The following NLGN1 variants were observed in gnomAD, a reference collection of about 807,000 sequenced individuals.
NLGN1 encodes the protein neuroligin-1.
A neutral mutation model predicts 65.5 loss-of-function variants in NLGN1; 12 were observed. The observed-to-expected ratio is 0.18, with a 90% confidence interval of 0.12 to 0.30. The LOEUF is 0.30. NLGN1 is among the 10% of genes least tolerant of loss of function. The pLI is 1.00. For missense variants in NLGN1, 750 were observed against 1,007.1 expected (o/e 0.74, Z 3.46); for synonymous variants, 350 against 359.5 (o/e 0.97, Z 0.30).
intron 4 of NLGN1, among the ~76,000 whole-genome samples, chr3:173,854,313 G>A (rs900095811): frequency 3.3e-5 from 5 of 151,778 alleles, no homozygotes; most frequent in South Asian, 4.2e-4. Flanking sequence ...CCATTTCAGT[G>A]TATTAAAAGG....
chr3:173,607,322 T>C (rs996895628), intron 3 of NLGN1, among the ~76,000 whole-genome samples: 1 of 151,902 alleles, frequency 6.6e-6, no homozygotes, highest in Non-Finnish European at 1.5e-5. Context: ...CACTTGAGCT[T>C]GTATGGTTTA....
At chr3:173,894,857 G>A (rs554630478) in intron 4 of NLGN1, among the ~76,000 whole-genome samples, 7 of 150,686 alleles carry the variant, frequency 4.6e-5, no homozygotes, top group East Asian at 1.9e-4. Flanking sequence ...GGCTGGTGTC[G>A]AACTCCTGAC....
intron 4 of NLGN1, among the ~76,000 whole-genome samples, chr3:173,880,968 C>G (rs1472544457): frequency 6.6e-6 from 1 of 151,954 alleles, no homozygotes; most frequent in Non-Finnish European, 1.5e-5. Flanking sequence ...GCATCTATAC[C>G]GGGAGTGGAT....
intron 2 of NLGN1, among the ~76,000 whole-genome samples, chr3:173,495,568 A>T (rs909413045): frequency 1.3e-5 from 2 of 150,764 alleles, no homozygotes; most frequent in Non-Finnish European, 3.0e-5. Flanking sequence ...TTAGGAGGAG[A>T]ATTACATTCA....
intron 4 of NLGN1, among the ~76,000 whole-genome samples, chr3:173,813,160 C>T (rs941348434): frequency 9.2e-5 from 14 of 151,984 alleles, no homozygotes; most frequent in African/African-American, 2.9e-4. Flanking sequence ...TTTGCTAAAG[C>T]CTGTGCATTG....
At chr3:173,848,604 A>T (rs1233951641) in intron 4 of NLGN1, among the ~76,000 whole-genome samples, 1 of 152,208 alleles carries the variant, frequency 6.6e-6, no homozygotes, top group Non-Finnish European at 1.5e-5. Flanking sequence ...ACAACAATGT[A>T]ATGCCATTTT....
intron 3 of NLGN1, among the ~76,000 whole-genome samples, chr3:173,759,300 A>T (rs748425206): frequency 6.6e-6 from 1 of 152,012 alleles, no homozygotes; most frequent in Non-Finnish European, 1.5e-5. Flanking sequence ...TATTAAATGC[A>T]TTTTTAAATA....
Position 174,154,957 on chromosome 3 carries a change from A to ATT in NLGN1, c.647-120358_647-120357insTT, listed in dbSNP as rs1299282503. On this transcript the variant is annotated intron_variant, in intron 4 of 6. Coordinates refer to ENST00000457714, the Ensembl canonical transcript of NLGN1. ...ATATTTTATATATAATATATAATAT[A>ATT]ATATATAATTATATATAATATATTA... 4.3e-4 allele frequency among the ~76,000 whole-genome samples: 61 copies of ATT among 141,106 alleles called. 2 individuals are homozygous for ATT. The highest frequency in any genetic ancestry group is 8.1e-4 in the Admixed American group (11 of 13,508). The allele number at this position is 141,106 out of a possible 152,430, so 92.6% of individuals were successfully genotyped here.
At chr3:173,960,991 A>G (rs919525697) in intron 4 of NLGN1, among the ~76,000 whole-genome samples, 1 of 151,996 alleles carries the variant, frequency 6.6e-6, no homozygotes, top group African/African-American at 2.4e-5. Flanking sequence ...TGAGTAACAT[A>G]TCTTTATCTG....
intron 4 of NLGN1, among the ~76,000 whole-genome samples, chr3:173,878,061 A>T (rs1412768481): frequency 1.3e-5 from 2 of 152,004 alleles, no homozygotes; most frequent in African/African-American, 4.8e-5. Context: ...AATCTTTTTG[A>T]GACAGAGTCT....
chr3:174,122,821 C>T (rs1004251524), intron 4 of NLGN1, among the ~76,000 whole-genome samples: 1 of 151,846 alleles, frequency 6.6e-6, no homozygotes, highest in Non-Finnish European at 1.5e-5. Flanking sequence ...CTTAGATCCA[C>T]TATACCTATC....
At chr3:173,542,600 CTTATA>C (rs1021065714) in intron 2 of NLGN1, among the ~76,000 whole-genome samples, 1 of 151,916 alleles carries the variant, frequency 6.6e-6, no homozygotes, top group African/African-American at 2.4e-5. Flanking sequence ...AAGTTTTCTT[CTTATA>C]TTTTATTTAG....
At chr3:173,773,613 T>C (rs1779891506) in intron 3 of NLGN1, among the ~76,000 whole-genome samples, 1 of 152,222 alleles carries the variant, frequency 6.6e-6, no homozygotes, top group African/African-American at 2.4e-5. Flanking sequence ...ATATGATTTT[T>C]ATTGAATAAT....
At chr3:173,731,691 G>T (rs1455810301) in intron 3 of NLGN1, among the ~76,000 whole-genome samples, 1 of 151,526 alleles carries the variant, frequency 6.6e-6, no homozygotes, top group Non-Finnish European at 1.5e-5. Context: ...ATTGCATAAG[G>T]AAACCAAAAA....
At chr3:173,625,121 T>C (rs1175116913) in intron 3 of NLGN1, among the ~76,000 whole-genome samples, 2 of 152,120 alleles carry the variant, frequency 1.3e-5, no homozygotes, top group African/African-American at 4.8e-5. Flanking sequence ...TTAGCTGAGT[T>C]TGAGTCATCA....
chr3:173,495,159 TTCTC>T (rs1729795817), intron 2 of NLGN1, among the ~76,000 whole-genome samples: 1 of 151,888 alleles, frequency 6.6e-6, no homozygotes, highest in Admixed American at 6.5e-5. Flanking sequence ...CTTCTTTACT[TTCTC>T]TCAGCAATGC....
chr3:173,847,362 G>T (rs1725980722), intron 4 of NLGN1, among the ~76,000 whole-genome samples: 1 of 152,106 alleles, frequency 6.6e-6, no homozygotes, highest in Non-Finnish European at 1.5e-5. Flanking sequence ...ACATCTTAAA[G>T]ATGATATGGT....
At chr3:173,805,375 A>G (rs753752783) in intron 3 of NLGN1, among the ~76,000 whole-genome samples, 1 of 152,218 alleles carries the variant, frequency 6.6e-6, no homozygotes, top group Non-Finnish European at 1.5e-5. Context: ...AAAAGTTTGA[A>G]AAGGCAAATT....
At chr3:173,777,107 T>G (rs1344018769) in intron 3 of NLGN1, among the ~76,000 whole-genome samples, 1 of 151,998 alleles carries the variant, frequency 6.6e-6, no homozygotes, top group Non-Finnish European at 1.5e-5. Context: ...TTCTAGAAGT[T>G]TCGGTCACCT....
Sources: gnomAD v4.1 joint callset for allele counts (sites outside exome capture counted in the v4.1 genomes callset) on GRCh38, gnomAD v4.1.1 for gene constraint, MANE v1.5 for transcripts, NCBI Gene and HGNC (gene_info 2026-07-23, HGNC 2026-07-21) for gene names.